CDH13: variants seen among roughly 807,000 people sequenced by gnomAD.
CDH13 encodes cadherin 13.
CDH13 carries 24 observed loss-of-function variants against 63.8 expected under a neutral mutation model. The observed-to-expected ratio is 0.38, with a 90% CI of 0.27 to 0.53. The LOEUF (loss-of-function observed/expected upper bound fraction) is 0.53. Ranked by LOEUF, CDH13 falls within the 20% of genes least tolerant of loss-of-function variation. The pLI is 0.85. For synonymous variants in CDH13, 503 were observed against 355.3 expected (o/e 1.42, Z -4.67); for missense variants, 1,049 against 903.1 (o/e 1.16, Z -2.07).
intron 8 of CDH13, among the ~76,000 whole-genome samples, chr16:83,636,159 G>A (rs1018071097): frequency 1.3e-5 from 2 of 151,550 alleles, no homozygotes; most frequent in South Asian, 4.2e-4. Context: ...CGTGTCCTCC[G>A]TTCTGTCCCA....
intron 4 of CDH13, among the ~76,000 whole-genome samples, chr16:83,183,163 A>G (rs940513071): frequency 1.3e-5 from 2 of 152,202 alleles, no homozygotes; most frequent in African/African-American, 4.8e-5. Context: ...TCAACCTGAT[A>G]AAAGGAAAAG....
chr16:83,580,253 C>T (rs1905438276), intron 7 of CDH13, among the ~76,000 whole-genome samples: 1 of 152,002 alleles, frequency 6.6e-6, no homozygotes, highest in African/African-American at 2.4e-5. Flanking sequence ...TGAGGTGATG[C>T]TATGGAACCA....
intron 3 of CDH13, among the ~76,000 whole-genome samples, chr16:83,059,602 A>T (rs903130713): frequency 6.6e-6 from 1 of 152,072 alleles, no homozygotes; most frequent in African/African-American, 2.4e-5. Flanking sequence ...TTGGCCACCA[A>T]TCTGGGTAGA....
At chr16:83,374,717 C>A (rs974392189) in intron 6 of CDH13, among the ~76,000 whole-genome samples, 3 of 152,228 alleles carry the variant, frequency 2.0e-5, no homozygotes, top group Admixed American at 2.0e-4. Context: ...ATTAGACTAT[C>A]TCTGGATGTT....
At chr16:83,339,875 C>T (rs990933708) in intron 5 of CDH13, among the ~76,000 whole-genome samples, 17 of 152,180 alleles carry the variant, frequency 1.1e-4, no homozygotes, top group African/African-American at 3.4e-4. Context: ...TCTGATTTTA[C>T]CCACTTCCCT....
chr16:83,496,540 C>G (rs1261938290), intron 7 of CDH13, among the ~76,000 whole-genome samples: 1 of 152,024 alleles, frequency 6.6e-6, no homozygotes, highest in Non-Finnish European at 1.5e-5. Flanking sequence ...AACGTTAGAC[C>G]TAAAAACCAT....
chr16:83,531,421 G>C (rs982497451), intron 7 of CDH13, among the ~76,000 whole-genome samples: 1 of 152,190 alleles, frequency 6.6e-6, no homozygotes, highest in Non-Finnish European at 1.5e-5. Context: ...ACCTTACACA[G>C]CAACAGAGAC....
chr16:82,736,356 C>G (rs1273482481), intron 1 of CDH13, among the ~76,000 whole-genome samples: 2 of 152,168 alleles, frequency 1.3e-5, no homozygotes, highest in Non-Finnish European at 2.9e-5. Context: ...AAAAACAGAA[C>G]TTCTTAAAGG....
intron 2 of CDH13, among the ~76,000 whole-genome samples, chr16:82,956,340 C>T (rs955321773): frequency 4.0e-5 from 6 of 151,362 alleles, no homozygotes; most frequent in African/African-American, 1.5e-4. Flanking sequence ...ACCTTTTATT[C>T]CTAATTCTAG....
intron 7 of CDH13, among the ~76,000 whole-genome samples, chr16:83,582,883 C>T (rs1905758132): frequency 6.6e-6 from 1 of 152,176 alleles, no homozygotes; most frequent in Admixed American, 6.5e-5. Flanking sequence ...AGCAGAATGG[C>T]CATTGGTGGA....
At chr16:83,601,639 T>C (rs1459185739) in intron 7 of CDH13, among the ~76,000 whole-genome samples, 1 of 152,166 alleles carries the variant, frequency 6.6e-6, no homozygotes. Flanking sequence ...AACAAGGATT[T>C]CTATAAAGTG....
At chr16:82,848,168 C>A (rs2039342160) in intron 1 of CDH13, among the ~76,000 whole-genome samples, 1 of 152,192 alleles carries the variant, frequency 6.6e-6, no homozygotes, top group East Asian at 1.9e-4. Context: ...GGGAAGCTGG[C>A]AAGCTTCAGC....
intron 1 of CDH13, among the ~76,000 whole-genome samples, chr16:82,726,841 G>A (rs545047604): frequency 6.6e-6 from 1 of 152,166 alleles, no homozygotes; most frequent in African/African-American, 2.4e-5. Context: ...GAGGAAAATA[G>A]TATTAATAGT....
intron 3 of CDH13, among the ~76,000 whole-genome samples, chr16:83,089,900 A>T (rs10438637): frequency 0.19 from 29,292 of 152,100 alleles, 4,383 homozygotes; most frequent in African/African-American, 0.42. Flanking sequence ...CCTAGGACTC[A>T]GCATTTATAA....
chr16:83,002,903 C>A lies in CDH13; in HGVS notation c.158-29107C>A, dbSNP rs150019207. Among the ~76,000 whole-genome samples, 323 of 152,318 alleles carry A rather than the reference C, an allele frequency of 2.1e-3. 1 individual carries two copies. Among genetic ancestry groups the A allele is most frequent in the Middle Eastern group, 0.017 (5 of 294 alleles). On this transcript the variant is annotated intron_variant, in intron 2 of 13. Transcript: ENST00000567109. ...ACCAGATTATTTAGGGCTTTTACTT[C>A]AATTTACCCATTGACTTAACACTTA... is the stretch of plus-strand genomic sequence containing the variant.
chr16:82,709,073 G>A (rs1432249838), intron 1 of CDH13, among the ~76,000 whole-genome samples: 1 of 152,138 alleles, frequency 6.6e-6, no homozygotes, highest in African/African-American at 2.4e-5. Flanking sequence ...TTACATCGCT[G>A]GTCAGCTCCT....
intron 10 of CDH13, chr16:83,735,208 C>T (rs1191104215): frequency 2.6e-5 from 4 of 152,160 alleles, no homozygotes; most frequent in African/African-American, 9.7e-5. Flanking sequence ...TCACCTTGTG[C>T]TCAGCTTATG....
At chr16:83,201,856 AG>A (rs1307265266) in intron 4 of CDH13, among the ~76,000 whole-genome samples, 8 of 152,214 alleles carry the variant, frequency 5.3e-5, no homozygotes, top group Admixed American at 1.3e-4. Context: ...CAGAGCTTCC[AG>A]TGAGCTGAGA....
chr16:83,666,862 G>T (rs1408417763), intron 8 of CDH13, among the ~76,000 whole-genome samples: 1 of 151,822 alleles, frequency 6.6e-6, no homozygotes, highest in Non-Finnish European at 1.5e-5. Flanking sequence ...GACTCCCCAA[G>T]AACTGTAATT....
Sources: gnomAD v4.1 joint callset for allele counts (sites outside exome capture counted in the v4.1 genomes callset) on GRCh38, gnomAD v4.1.1 for gene constraint, MANE v1.5 for transcripts, NCBI Gene and HGNC (gene_info 2026-07-23, HGNC 2026-07-21) for gene names.